The following ERBB4 variants were observed in gnomAD, a reference collection of about 807,000 sequenced individuals.
ERBB4 encodes the protein receptor tyrosine-protein kinase erbB-4.
Under a neutral mutation model 158.0 loss-of-function variants are expected in ERBB4, and 42 were observed. That is an observed-to-expected ratio of 0.27 (90% CI 0.21 to 0.34). The LOEUF is 0.34. ERBB4 is among the 10% of genes least tolerant of loss of function. ERBB4 has a pLI of 1.00. For missense variants in ERBB4, 1,333 were observed against 1,624.1 expected (o/e 0.82, Z 3.08); for synonymous variants, 583 against 558.7 (o/e 1.04, Z -0.61).
intron 1 of ERBB4, among the ~76,000 whole-genome samples, chr2:212,385,747 A>G (rs1265596610): frequency 6.6e-6 from 1 of 151,816 alleles, no homozygotes; most frequent in Non-Finnish European, 1.5e-5. Context: ...TATAAACTTC[A>G]AGTGGAAAGA....
intron 1 of ERBB4, among the ~76,000 whole-genome samples, chr2:212,314,944 G>A (rs187324540): frequency 2.9e-4 from 44 of 151,360 alleles, no homozygotes; most frequent in East Asian, 7.8e-4. Flanking sequence ...TCCCAAGCTT[G>A]TGGGAGAATT....
At chr2:212,480,229 C>T (rs369812678) in intron 1 of ERBB4, among the ~76,000 whole-genome samples, 1 of 152,008 alleles carries the variant, frequency 6.6e-6, no homozygotes, top group South Asian at 2.1e-4. Flanking sequence ...AAAACAAAGA[C>T]TCCTGTTACT....
chr2:212,386,589 A>C (rs200213920), intron 1 of ERBB4, among the ~76,000 whole-genome samples: 3 of 148,094 alleles, frequency 2.0e-5, no homozygotes, highest in East Asian at 2.0e-4. Flanking sequence ...AAAAAAAAAA[A>C]CCCATTAACT....
At chr2:211,799,278 G>C (rs1220503815) in intron 3 of ERBB4, among the ~76,000 whole-genome samples, 1 of 152,110 alleles carries the variant, frequency 6.6e-6, no homozygotes, top group Non-Finnish European at 1.5e-5. Context: ...TGTCACATCT[G>C]AGGTCATAAG....
chr2:211,846,444 C>T (rs1002676472), intron 3 of ERBB4, among the ~76,000 whole-genome samples: 1 of 152,092 alleles, frequency 6.6e-6, no homozygotes, highest in Non-Finnish European at 1.5e-5. Flanking sequence ...TTTTTCCACT[C>T]TGTAAACCAT....
At chr2:211,662,038 C>CAAAAAAAAAAAAAAAAAAA (rs61318918) in intron 15 of ERBB4, among the ~76,000 whole-genome samples, 2 of 39,694 alleles carry the variant, frequency 5.0e-5, no homozygotes, top group Non-Finnish European at 9.0e-5. Flanking sequence ...GACTCCGTCT[C>CAAAAAAAAAAAAAAAAAAA]AAAAAAAAAA....
intron 3 of ERBB4, among the ~76,000 whole-genome samples, chr2:211,941,024 T>A (rs2080479276): frequency 6.6e-6 from 1 of 152,112 alleles, no homozygotes; most frequent in Non-Finnish European, 1.5e-5. Flanking sequence ...ATTATTGGAG[T>A]TCTCCTTTTT....
intron 1 of ERBB4, among the ~76,000 whole-genome samples, chr2:212,230,918 G>A (rs2083643258): frequency 6.6e-6 from 1 of 152,100 alleles, no homozygotes; most frequent in Admixed American, 6.5e-5. Flanking sequence ...TTATACATAA[G>A]TTGATACCAT....
At chr2:212,290,170 T>C (rs1443317603) in intron 1 of ERBB4, among the ~76,000 whole-genome samples, 2 of 152,108 alleles carry the variant, frequency 1.3e-5, no homozygotes, top group African/African-American at 2.4e-5. Context: ...AAATCATACA[T>C]GTAGTTTTAT....
intron 19 of ERBB4, among the ~76,000 whole-genome samples, chr2:211,618,134 A>T (rs2069463760): frequency 6.6e-6 from 1 of 152,030 alleles, no homozygotes; most frequent in Admixed American, 6.6e-5. Context: ...TGAATTAAAA[A>T]AATAAATGTC....
At chr2:212,006,803 A>G (rs890685904) in intron 2 of ERBB4, among the ~76,000 whole-genome samples, 5 of 152,074 alleles carry the variant, frequency 3.3e-5, no homozygotes, top group Non-Finnish European at 7.4e-5. Flanking sequence ...GGTTTAAAAA[A>G]GAAAAAAGAA....
chr2:211,946,341 TG>T (rs1559159916), intron 3 of ERBB4, among the ~76,000 whole-genome samples: 1 of 151,998 alleles, frequency 6.6e-6, no homozygotes, highest in Non-Finnish European at 1.5e-5. Context: ...AAGAAACAAA[TG>T]ATTTCAATAT....
chr2:212,325,486 TTATAACAG>T (rs2087781866), intron 1 of ERBB4, among the ~76,000 whole-genome samples: 1 of 150,724 alleles, frequency 6.6e-6, no homozygotes, highest in African/African-American at 2.4e-5. Flanking sequence ...TGCCTGACAG[TTATAACAG>T]AAATGCTTTA....
At chr2:212,073,268 GA>G (rs1369736078) in intron 2 of ERBB4, among the ~76,000 whole-genome samples, 4 of 151,962 alleles carry the variant, frequency 2.6e-5, no homozygotes, top group African/African-American at 9.7e-5. Context: ...GTCACTTCAG[GA>G]TTTAAAGATG....
At chr2:212,133,536 G>A (rs1321644523) in intron 1 of ERBB4, among the ~76,000 whole-genome samples, 2 of 150,676 alleles carry the variant, frequency 1.3e-5, no homozygotes, top group East Asian at 1.9e-4. Context: ...TCAGCACCTC[G>A]GAAAGCAGGC....
At chr2:211,975,059 C>T (rs1213638814) in intron 2 of ERBB4, among the ~76,000 whole-genome samples, 1 of 152,120 alleles carries the variant, frequency 6.6e-6, no homozygotes, top group East Asian at 1.9e-4. Flanking sequence ...TCGCAGCCCA[C>T]TGCAGCCTCA....
chr2:212,480,769 TTTGA>T (rs1215436705), intron 1 of ERBB4, among the ~76,000 whole-genome samples: 4 of 152,220 alleles, frequency 2.6e-5, no homozygotes, highest in Non-Finnish European at 4.4e-5. Context: ...CATTGCTATA[TTTGA>T]TTATGTATTT....
At chr2:212,417,722 A>C (rs1475639970) in intron 1 of ERBB4, among the ~76,000 whole-genome samples, 2 of 152,012 alleles carry the variant, frequency 1.3e-5, no homozygotes, top group Admixed American at 1.3e-4. Flanking sequence ...AACCTGATAA[A>C]CTACTTTATC....
At chr2:212,376,425 T>C (rs955614796) in intron 1 of ERBB4, among the ~76,000 whole-genome samples, 6 of 152,038 alleles carry the variant, frequency 3.9e-5, no homozygotes, top group African/African-American at 1.4e-4. Flanking sequence ...CTTCTTGACC[T>C]TCTACTTATT....
Sources: gnomAD v4.1 joint callset for allele counts (sites outside exome capture counted in the v4.1 genomes callset) on GRCh38, gnomAD v4.1.1 for gene constraint, MANE v1.5 for transcripts, NCBI Gene and HGNC (gene_info 2026-07-23, HGNC 2026-07-21) for gene names.